Variants in CACNA2D3 observed in about 807,000 individuals in gnomAD.
The protein encoded by CACNA2D3 is voltage-dependent calcium channel subunit alpha-2/delta-3.
Under a neutral mutation model 160.6 loss-of-function variants are expected in CACNA2D3, and 60 were observed. The observed-to-expected ratio is 0.37, with a 90% CI of 0.30 to 0.46. The LOEUF (loss-of-function observed/expected upper bound fraction) is 0.46. Ranked by LOEUF, CACNA2D3 falls within the 20% of genes least tolerant of loss-of-function variation. The probability of loss-of-function intolerance (pLI) is 1.00; values close to 1 mark genes in which losing one functional copy is unlikely to be tolerated. For synonymous variants in CACNA2D3, 558 were observed against 492.9 expected (o/e 1.13, Z -1.75); for missense variants, 1,205 against 1,365.0 (o/e 0.88, Z 1.85).
chr3:54,965,785 C>T (rs909228784), intron 27 of CACNA2D3, among the ~76,000 whole-genome samples: 1 of 152,192 alleles, frequency 6.6e-6, no homozygotes, highest in Non-Finnish European at 1.5e-5. Context: ...TAGGTCAAAA[C>T]TAGCAGAACA....
At chr3:54,675,306 A>G (rs1371948899) in intron 11 of CACNA2D3, among the ~76,000 whole-genome samples, 1 of 152,044 alleles carries the variant, frequency 6.6e-6, no homozygotes, top group Non-Finnish European at 1.5e-5. Context: ...GGGGTGGAAG[A>G]TATGGTGGAT....
chr3:54,263,718 G>C (rs923503640), intron 2 of CACNA2D3, among the ~76,000 whole-genome samples: 3 of 152,150 alleles, frequency 2.0e-5, no homozygotes, highest in African/African-American at 4.8e-5. Context: ...TGGTGTGGTG[G>C]ATTCTGCGCT....
chr3:54,140,383 C>G (rs763765467), intron 2 of CACNA2D3, among the ~76,000 whole-genome samples: 17 of 152,212 alleles, frequency 1.1e-4, no homozygotes, highest in Non-Finnish European at 2.2e-4. Context: ...CAGCAAAATA[C>G]CAGGCGTTCT....
chr3:54,311,778 G>A (rs534166528), intron 2 of CACNA2D3, among the ~76,000 whole-genome samples: 2 of 152,336 alleles, frequency 1.3e-5, no homozygotes, highest in Admixed American at 1.3e-4. Context: ...CCATCTCCGT[G>A]CAGCTTGGCA....
intron 2 of CACNA2D3, among the ~76,000 whole-genome samples, chr3:54,294,763 G>A (rs1353648082): frequency 6.6e-6 from 1 of 152,204 alleles, no homozygotes; most frequent in Non-Finnish European, 1.5e-5. Context: ...AAGAGATAGA[G>A]CTGGAGATTG....
chr3:54,754,785 G>A (rs1364230371), intron 12 of CACNA2D3, among the ~76,000 whole-genome samples: 1 of 152,192 alleles, frequency 6.6e-6, no homozygotes, highest in Non-Finnish European at 1.5e-5. Context: ...AGGACTCAGT[G>A]AAGGGTTTGT....
Position 54,887,850 on chromosome 3 carries a change from T to G in CACNA2D3, c.2057-109T>G. 3 of 797,572 alleles carry G rather than the reference T, an allele frequency of 3.8e-6. No homozygotes were observed. In the East Asian group the frequency reaches 7.4e-5, roughly 20 times the overall value. 49.4% of individuals were successfully genotyped at this position (797,572 alleles called of 1,614,324 possible). ...TGGGAACTTAACTCATAAAGCAACA[T>G]GCCGCATGAGAAAGTAGCCTGCAGA... On this transcript the variant is annotated intron_variant, in intron 23 of 37. Transcript: ENST00000474759.
intron 2 of CACNA2D3, among the ~76,000 whole-genome samples, chr3:54,315,237 C>T (rs1016106496): frequency 5.9e-5 from 9 of 152,298 alleles, no homozygotes; most frequent in Admixed American, 3.3e-4. Flanking sequence ...TTTGCCCTCT[C>T]CAGGTATTTT....
rs191971687 is a variant in CACNA2D3, at chr3:54,454,575, C to T, written c.382-48917C>T. Among the ~76,000 whole-genome samples, 3 of 151,792 alleles carry T rather than the reference C, an allele frequency of 2.0e-5. No individual in the cohort carries two copies. In the East Asian group the frequency reaches 5.9e-4, roughly 30 times the overall value. Reference sequence around the variant, plus strand: ...TCTCGGTAATCAGTACATCCATCACCTCAAACATGTATCATTTCTTCATAT... The same window carrying T: ...TCTCGGTAATCAGTACATCCATCACTTCAAACATGTATCATTTCTTCATAT... On this transcript the variant is annotated intron_variant, in intron 4 of 37. Coordinates refer to ENST00000474759, the MANE Select transcript of CACNA2D3 (RefSeq NM_018398.3).
intron 11 of CACNA2D3, among the ~76,000 whole-genome samples, chr3:54,703,391 C>G (rs189990172): frequency 1.1e-4 from 16 of 152,252 alleles, no homozygotes; most frequent in African/African-American, 3.1e-4. Flanking sequence ...CCTACTCAAA[C>G]AAACTAAATG....
chr3:54,852,178 AG>A lies in CACNA2D3; in HGVS notation c.1626+5713del, dbSNP rs1699073255. Among the ~76,000 whole-genome samples, 3 of 151,946 alleles carry A rather than the reference AG, an allele frequency of 2.0e-5. No homozygotes were observed. The South Asian group carries it at 6.2e-4, about 32-fold the overall frequency. On this transcript the variant is annotated intron_variant, in intron 17 of 37. Transcript: ENST00000474759. ...CCAGGCTGTAGCCTCTCCAGTGTCC[AG>A]GAGTGGAAGTGGGAGGTTGCCCAGA...
At chr3:54,234,337 AAAAC>A (rs1048621403) in intron 2 of CACNA2D3, among the ~76,000 whole-genome samples, 69 of 152,296 alleles carry the variant, frequency 4.5e-4, no homozygotes, top group African/African-American at 1.5e-3. Flanking sequence ...CAAAAACCAA[AAAAC>A]AAACAAAACC....
At chr3:54,901,424 G>T (rs1700329875) in intron 27 of CACNA2D3, among the ~76,000 whole-genome samples, 1 of 152,190 alleles carries the variant, frequency 6.6e-6, no homozygotes, top group South Asian at 2.1e-4. Flanking sequence ...ATAAATGCCT[G>T]TTTGGCTGAG....
At chr3:54,281,966 A>G (rs1455082797) in intron 2 of CACNA2D3, among the ~76,000 whole-genome samples, 1 of 152,218 alleles carries the variant, frequency 6.6e-6, no homozygotes, top group Admixed American at 6.5e-5. Flanking sequence ...CTCTCCCGAC[A>G]TTTATAAAAT....
intron 4 of CACNA2D3, among the ~76,000 whole-genome samples, chr3:54,405,800 A>C (rs551579075): frequency 6.6e-6 from 1 of 152,120 alleles, no homozygotes; most frequent in African/African-American, 2.4e-5. Flanking sequence ...CAAATCATGT[A>C]TCTGCTAAGG....
chr3:54,455,719 G>A (rs761800271), intron 4 of CACNA2D3, among the ~76,000 whole-genome samples: 1 of 152,024 alleles, frequency 6.6e-6, no homozygotes. Context: ...TAAGATTTAA[G>A]TCTTTAATTC....
chr3:54,177,490 C>T (rs989747149), intron 2 of CACNA2D3, among the ~76,000 whole-genome samples: 5 of 152,182 alleles, frequency 3.3e-5, no homozygotes, highest in African/African-American at 9.7e-5. Context: ...GCTAACTCCT[C>T]GGGCTTTTTT....
At chr3:54,949,667 A>T (rs12636204) in intron 27 of CACNA2D3, among the ~76,000 whole-genome samples, 20,821 of 152,160 alleles carry the variant, frequency 0.14, 1,611 homozygotes, top group African/African-American at 0.21. Flanking sequence ...GCAAACAGTA[A>T]CCTGAAAAAC....
intron 2 of CACNA2D3, among the ~76,000 whole-genome samples, chr3:54,271,120 C>T (rs1216133955): frequency 6.6e-6 from 1 of 152,180 alleles, no homozygotes; most frequent in Admixed American, 6.5e-5. Flanking sequence ...GATGAGGGTT[C>T]AAGCCCTGAT....
Sources: allele counts gnomAD v4.1 joint callset (sites outside exome capture counted in the v4.1 genomes callset), GRCh38; gene constraint gnomAD v4.1.1; transcripts MANE v1.5; gene names NCBI Gene and HGNC (gene_info 2026-07-23, HGNC 2026-07-21).